CACNB4: variants seen among roughly 807,000 people sequenced by gnomAD.
CACNB4 encodes calcium voltage-gated channel auxiliary subunit beta 4, also known as voltage-dependent L-type calcium channel subunit beta-4.
Under a neutral mutation model 71.2 loss-of-function variants are expected in CACNB4, and 32 were observed. The ratio of observed to expected loss-of-function variants is 0.45; its 90% CI spans 0.34 to 0.60. The LOEUF (loss-of-function observed/expected upper bound fraction) is 0.60, where lower values mean the gene tolerates loss of function less well. Ranked by LOEUF, CACNB4 falls within the 20% of genes least tolerant of loss-of-function variation. The probability of loss-of-function intolerance (pLI) is 0.01; values close to 1 mark genes in which losing one functional copy is unlikely to be tolerated. For synonymous variants in CACNB4, 231 were observed against 236.9 expected (o/e 0.97, Z 0.23); for missense variants, 464 against 647.9 (o/e 0.72, Z 3.08).
Position 151,875,157 on chromosome 2 carries a change from TG to T in CACNB4, c.521+1268del, listed in dbSNP as rs563599218. 7.8e-3 allele frequency among the ~76,000 whole-genome samples: 1,176 copies of T among 150,120 alleles called. 4 individuals are homozygous for T. Among genetic ancestry groups the T allele is most frequent in the Non-Finnish European group, 0.012 (803 of 67,550 alleles). On this transcript the variant is annotated intron_variant, in intron 5 of 13. Coordinates refer to ENST00000539935, the MANE Select transcript of CACNB4 (RefSeq NM_000726.5). ...CTGGTTTTCCTAGGCAGAGTGTGTGTGTCCCTGGGTACTTGAGATTAGGGAG... is the reference window on the plus strand; with the variant it reads ...CTGGTTTTCCTAGGCAGAGTGTGTGTTCCCTGGGTACTTGAGATTAGGGAG...
chr2:151,966,341 G>C (rs1285229669), intron 2 of CACNB4, among the ~76,000 whole-genome samples: 1 of 151,952 alleles, frequency 6.6e-6, no homozygotes, highest in Admixed American at 6.6e-5. Flanking sequence ...GTGTAATGGC[G>C]TGATCTTGGC....
intron 2 of CACNB4, among the ~76,000 whole-genome samples, chr2:152,088,399 TA>T (rs1179823915): frequency 1.3e-5 from 2 of 152,178 alleles, no homozygotes; most frequent in South Asian, 2.1e-4. Flanking sequence ...ATGAAACTGC[TA>T]AAAAAATTTT....
intron 2 of CACNB4, among the ~76,000 whole-genome samples, chr2:151,960,659 C>T (rs1462987506): frequency 6.6e-6 from 1 of 152,176 alleles, no homozygotes; most frequent in Non-Finnish European, 1.5e-5. Flanking sequence ...CAATCCTTGG[C>T]CAACTGGTCC....
chr2:151,984,944 C>G (rs74998156), intron 2 of CACNB4, among the ~76,000 whole-genome samples: 2,850 of 152,194 alleles, frequency 0.019, 83 homozygotes, highest in African/African-American at 0.064. Flanking sequence ...TTTTTCTGGT[C>G]TACTGAAATT....
At chr2:152,060,833 CAAT>C (rs1685970241) in intron 2 of CACNB4, among the ~76,000 whole-genome samples, 1 of 151,922 alleles carries the variant, frequency 6.6e-6, no homozygotes, top group Non-Finnish European at 1.5e-5. Context: ...AATAACAAAA[CAAT>C]ACATAAATTT....
chr2:151,923,155 A>T (rs1268164178), intron 2 of CACNB4, among the ~76,000 whole-genome samples: 1 of 152,238 alleles, frequency 6.6e-6, no homozygotes, highest in Non-Finnish European at 1.5e-5. Flanking sequence ...AATAATAACA[A>T]CTATGCTCAA....
intron 2 of CACNB4, among the ~76,000 whole-genome samples, chr2:152,002,302 C>T (rs1682471680): frequency 6.6e-6 from 1 of 152,124 alleles, no homozygotes; most frequent in Non-Finnish European, 1.5e-5. Context: ...CATGTGATGG[C>T]ACTTCTTGAT....
intron 4 of CACNB4, chr2:151,879,380 G>A (rs1437909764): frequency 6.6e-6 from 1 of 152,116 alleles, no homozygotes; most frequent in South Asian, 2.1e-4. Flanking sequence ...GTAAAATCAA[G>A]AGCTTAATTT....
At chr2:151,892,384 A>G (rs987445771) in intron 2 of CACNB4, among the ~76,000 whole-genome samples, 3 of 152,132 alleles carry the variant, frequency 2.0e-5, no homozygotes, top group Non-Finnish European at 4.4e-5. Flanking sequence ...AAAAAAAGAA[A>G]AGACTTCCTT....
intron 2 of CACNB4, among the ~76,000 whole-genome samples, chr2:151,925,962 G>T (rs2099860142): frequency 6.6e-6 from 1 of 152,202 alleles, no homozygotes; most frequent in Admixed American, 6.5e-5. Flanking sequence ...GGTGAACCCA[G>T]ATCTGGACAT....
intron 2 of CACNB4, among the ~76,000 whole-genome samples, chr2:152,074,384 C>T (rs1686877274): frequency 6.6e-6 from 1 of 151,890 alleles, no homozygotes; most frequent in African/African-American, 2.4e-5. Context: ...CTCCTCTCCG[C>T]CATCACCAAC....
rs150945109 is a variant in CACNB4 at position 151,909,813 on chromosome 2, G to C, written c.148-26443C>G. Among the ~76,000 whole-genome samples the C allele has an allele frequency of 1.5e-3, 225 of 152,262 alleles. 1 individual carries two copies. Among genetic ancestry groups the C allele is most frequent in the African/African-American group, 5.2e-3 (214 of 41,552 alleles). ...TCTTTTATCCAGTCTATGATTGATG[G>C]GCATTTGGGTTGGTTCCATGTCTTT... On this transcript the variant is annotated intron_variant, in intron 2 of 13. Transcript: ENST00000539935.
chr2:151,988,357 A>C (rs1178982186), intron 2 of CACNB4, among the ~76,000 whole-genome samples: 1 of 152,054 alleles, frequency 6.6e-6, no homozygotes, highest in East Asian at 1.9e-4. Flanking sequence ...TACCTCATAC[A>C]TCTGCCTTTC....
At chr2:151,886,661 T>C (rs190488737) in intron 2 of CACNB4, among the ~76,000 whole-genome samples, 1 of 152,314 alleles carries the variant, frequency 6.6e-6, no homozygotes, top group Admixed American at 6.5e-5. Context: ...AATTAGTTTA[T>C]ATCATTACAA....
At chr2:151,901,934 T>C (rs1392028729) in intron 2 of CACNB4, among the ~76,000 whole-genome samples, 1 of 152,112 alleles carries the variant, frequency 6.6e-6, no homozygotes, top group Non-Finnish European at 1.5e-5. Context: ...GAAAAATAAG[T>C]CTTTTTGAGT....
chr2:152,032,539 A>G (rs1684342188), intron 2 of CACNB4, among the ~76,000 whole-genome samples: 1 of 152,272 alleles, frequency 6.6e-6, no homozygotes, highest in Non-Finnish European at 1.5e-5. Flanking sequence ...GTTTAACCAT[A>G]TATTACCGAG....
intron 2 of CACNB4, among the ~76,000 whole-genome samples, chr2:151,965,934 T>C (rs1247622746): frequency 4.6e-5 from 7 of 152,220 alleles, no homozygotes; most frequent in African/African-American, 1.7e-4. Flanking sequence ...ATATACCTGC[T>C]TCCTTCAAAG....
At chr2:151,961,761 T>TG (rs1290674252) in intron 2 of CACNB4, among the ~76,000 whole-genome samples, 16 of 152,060 alleles carry the variant, frequency 1.1e-4, no homozygotes, top group Non-Finnish European at 1.5e-5. Flanking sequence ...CATGATGGCA[T>TG]GCACCTGTAG....
intron 2 of CACNB4, among the ~76,000 whole-genome samples, chr2:152,072,509 A>T (rs1410420081): frequency 1.3e-5 from 2 of 152,252 alleles, no homozygotes; most frequent in Admixed American, 1.3e-4. Flanking sequence ...TCAAGATAAT[A>T]TCGTAAGTCA....
Sources: allele counts gnomAD v4.1 joint callset (sites outside exome capture counted in the v4.1 genomes callset), GRCh38; gene constraint gnomAD v4.1.1; transcripts MANE v1.5; gene names NCBI Gene and HGNC (gene_info 2026-07-23, HGNC 2026-07-21).